The following AEBP2 variants were observed in gnomAD, a reference collection of about 807,000 sequenced individuals.
AEBP2 encodes AE binding protein 2, also known as zinc finger protein AEBP2.
A neutral mutation model predicts 50.8 loss-of-function variants in AEBP2; 10 were observed. The observed-to-expected ratio is 0.20, with a 90% confidence interval of 0.12 to 0.33. The LOEUF (loss-of-function observed/expected upper bound fraction) is 0.33. Ranked by LOEUF, AEBP2 falls within the 10% of genes least tolerant of loss-of-function variation. The pLI, the probability that AEBP2 is intolerant of heterozygous loss-of-function variation, is 1.00. For missense variants in AEBP2, 570 were observed against 688.0 expected (o/e 0.83, Z 1.92); for synonymous variants, 296 against 261.3 (o/e 1.13, Z -1.28).
intron 3 of AEBP2, among the ~76,000 whole-genome samples, chr12:19,490,043 C>T (rs1167234876): frequency 9.1e-6 from 1 of 109,830 alleles, no homozygotes; most frequent in Non-Finnish European, 1.7e-5. Flanking sequence ...GATGGAGTCT[C>T]CCTTTTTTGC....
At chr12:19,411,625 C>T (rs1392043521) in intron 1 of AEBP2, among the ~76,000 whole-genome samples, 1 of 152,158 alleles carries the variant, frequency 6.6e-6, no homozygotes, top group African/African-American at 2.4e-5. Flanking sequence ...CAAGTAAAGA[C>T]TTATAATACA....
intron 5 of AEBP2, among the ~76,000 whole-genome samples, chr12:19,501,254 C>T (rs891959130): frequency 6.6e-6 from 1 of 151,444 alleles, no homozygotes; most frequent in African/African-American, 2.4e-5. Context: ...TTGCTTGAGC[C>T]CAGGAGTTGG....
At chr12:19,512,709 C>A (rs1346308403) in intron 6 of AEBP2, among the ~76,000 whole-genome samples, 1 of 151,600 alleles carries the variant, frequency 6.6e-6, no homozygotes, top group African/African-American at 2.4e-5. Flanking sequence ...CACCTGTAAT[C>A]CCAGCACTTT....
At chr12:19,463,667 ATTTTTT>A (rs34007914) in intron 2 of AEBP2, among the ~76,000 whole-genome samples, 8 of 84,672 alleles carry the variant, frequency 9.4e-5, no homozygotes, top group African/African-American at 1.5e-4. Context: ...TCATACTTGA[ATTTTTT>A]TTTTTTTTTT....
At chr12:19,516,253 G>A (rs537662396) in intron 7 of AEBP2, among the ~76,000 whole-genome samples, 2 of 152,280 alleles carry the variant, frequency 1.3e-5, no homozygotes, top group East Asian at 3.9e-4. Flanking sequence ...AAATAATTGA[G>A]TGTTGTTGAT....
chr12:19,507,265 G>A (rs1351607269), intron 5 of AEBP2, among the ~76,000 whole-genome samples: 1 of 152,160 alleles, frequency 6.6e-6, no homozygotes, highest in Non-Finnish European at 1.5e-5. Flanking sequence ...ATGAGCTAGT[G>A]TCTCTACAGA....
At chr12:19,416,086 G>A (rs2095742444) in intron 1 of AEBP2, among the ~76,000 whole-genome samples, 1 of 152,192 alleles carries the variant, frequency 6.6e-6, no homozygotes, top group African/African-American at 2.4e-5. Context: ...GGAGGCTGAG[G>A]TGGAAGAATC....
chr12:19,501,797 GTTTTTTTTT>G (rs754195220), intron 5 of AEBP2, among the ~76,000 whole-genome samples: 1 of 70,870 alleles, frequency 1.4e-5, no homozygotes, highest in South Asian at 6.7e-4. Flanking sequence ...AAATGAGTTT[GTTTTTTTTT>G]TTTTTTTTTT....
chr12:19,428,350 G>A (rs61914965), intron 1 of AEBP2, among the ~76,000 whole-genome samples: 11,231 of 152,240 alleles, frequency 0.074, 471 homozygotes, highest in South Asian at 0.18. Flanking sequence ...AGAGGTCCAT[G>A]TTTCTTTTGT....
At chr12:19,420,890 C>T (rs77289095) in intron 1 of AEBP2, among the ~76,000 whole-genome samples, 3,417 of 152,222 alleles carry the variant, frequency 0.022, 47 homozygotes, top group East Asian at 0.045. Context: ...TGTCAAGGTC[C>T]TGTGGCACAG....
chr12:19,501,722 A>G lies in AEBP2; in HGVS notation c.1299+1501A>G, dbSNP rs1189763532. The stretch of plus-strand genomic sequence containing the variant: ...GAAAAGTGCATGAAAATTGAAATAC[A>G]AAAGGTCCTTATTGATATCAATATG... On this transcript the variant is annotated intron_variant, in intron 5 of 7. Transcript: ENST00000266508. Among the ~76,000 whole-genome samples, 4 of 151,426 alleles carry G rather than the reference A, an allele frequency of 2.6e-5. 1 individual carries two copies. Among genetic ancestry groups the G allele is most frequent in the Admixed American group, 2.6e-4 (4 of 15,170 alleles).
chr12:19,511,365 T>C (rs1034033470), intron 5 of AEBP2, among the ~76,000 whole-genome samples: 1 of 152,188 alleles, frequency 6.6e-6, no homozygotes, highest in African/African-American at 2.4e-5. Flanking sequence ...ATTTCTATTA[T>C]GTTCCATAGT....
intron 3 of AEBP2, among the ~76,000 whole-genome samples, chr12:19,487,837 AAAC>A (rs1389643032): frequency 6.6e-6 from 1 of 152,202 alleles, no homozygotes; most frequent in African/African-American, 2.4e-5. Context: ...AAATATTTAA[AAAC>A]AAATATTTCT....
rs777819791 is a variant in AEBP2, at chr12:19,473,243, A to G, written c.880-5A>G. ...AAATTAATATGGTTCTGTTTTTCTT[A>G]ACAGGTATTTGTTTGCTTATGGAAA... is the stretch of plus-strand genomic sequence containing the variant. On this transcript the variant is annotated splice_region_variant and splice_polypyrimidine_tract_variant and intron_variant, in intron 2 of 7. Transcript: ENST00000266508. 13 of 1,399,998 alleles carry G rather than the reference A, an allele frequency of 9.3e-6. No homozygotes were observed. The highest frequency in any genetic ancestry group is 1.1e-5 in the Non-Finnish European group (12 of 1,053,944). The allele number at this position is 1,399,998 out of a possible 1,614,324, so 86.7% of individuals were successfully genotyped here.
At chr12:19,465,543 A>T (rs1421750915) in intron 2 of AEBP2, among the ~76,000 whole-genome samples, 1 of 152,174 alleles carries the variant, frequency 6.6e-6, no homozygotes, top group Non-Finnish European at 1.5e-5. Context: ...CATACCAGTC[A>T]TTAGAATATA....
chr12:19,505,970 T>C (rs1949151287), intron 5 of AEBP2, among the ~76,000 whole-genome samples: 1 of 151,792 alleles, frequency 6.6e-6, no homozygotes, highest in Non-Finnish European at 1.5e-5. Context: ...TTATTTTTTC[T>C]TGTAGAGATG....
chr12:19,479,716 G>GTTTTTTTTTTTT (rs1565723172), intron 3 of AEBP2, among the ~76,000 whole-genome samples: 1 of 29,894 alleles, frequency 3.3e-5, no homozygotes, highest in Admixed American at 2.7e-4. Context: ...CCTCTTTGTG[G>GTTTTTTTTTTTT]GTTTTTTTTT....
At chr12:19,479,201 A>G (rs960871349) in intron 3 of AEBP2, among the ~76,000 whole-genome samples, 1 of 152,198 alleles carries the variant, frequency 6.6e-6, no homozygotes, top group Non-Finnish European at 1.5e-5. Context: ...GGGCCTCAAA[A>G]AAAAGTATAT....
At chr12:19,414,584 AT>A (rs2095741220) in intron 1 of AEBP2, among the ~76,000 whole-genome samples, 1 of 152,082 alleles carries the variant, frequency 6.6e-6, no homozygotes, top group Admixed American at 6.6e-5. Flanking sequence ...CTGGAGGGCG[AT>A]GTCTTTTTCC....
Sources: gnomAD v4.1 joint callset for allele counts (sites outside exome capture counted in the v4.1 genomes callset) on GRCh38, gnomAD v4.1.1 for gene constraint, MANE v1.5 for transcripts, NCBI Gene and HGNC (gene_info 2026-07-23, HGNC 2026-07-21) for gene names.